The following DOCK3 variants were observed in gnomAD, a reference collection of about 807,000 sequenced individuals.
DOCK3 encodes the protein dedicator of cytokinesis protein 3.
A neutral mutation model predicts 265.6 loss-of-function variants in DOCK3; 60 were observed. The observed-to-expected ratio is 0.23, with a 90% CI of 0.18 to 0.28. DOCK3 has a LOEUF of 0.28. Among genes scored for constraint, DOCK3 ranks in the 10% least tolerant of loss-of-function variants. The pLI is 1.00. For synonymous variants in DOCK3, 881 were observed against 938.0 expected, an observed-to-expected ratio of 0.94 and a Z score of 1.11; for missense variants, 1,981 against 2,594.3, an observed-to-expected ratio of 0.76 and a Z score of 5.14.
At chr3:51,344,876 C>G (rs1238860759) in intron 38 of DOCK3, among the ~76,000 whole-genome samples, 3 of 152,168 alleles carry the variant, frequency 2.0e-5, no homozygotes, top group African/African-American at 7.2e-5. Context: ...GGTCCTGGCT[C>G]ATTCTAAAGA....
chr3:50,702,392 C>T (rs2036099077), intron 1 of DOCK3, among the ~76,000 whole-genome samples: 1 of 151,904 alleles, frequency 6.6e-6, no homozygotes, highest in African/African-American at 2.4e-5. Flanking sequence ...TAGATAGAGT[C>T]TTGCTCTGTC....
rs1330426109 is a variant in DOCK3, at chr3:51,375,786, C to T, written c.5451C>T (p.Val1817=). The T allele has an allele frequency of 3.7e-6, 6 of 1,613,970 alleles. No individual in the cohort carries two copies. Among genetic ancestry groups the T allele is most frequent in the South Asian group, 2.2e-5 (2 of 91,068 alleles). Residue 1817 remains valine (V), a synonymous_variant, in exon 51 of 53, where the codon GTC becomes GTT. Transcript: ENST00000266037. The part of the protein sequence containing the change: ...NFQRALFQQV[V]GACKPCSDPN... The stretch of plus-strand genomic sequence containing the variant: ...AGCGAGCCCTGTTCCAGCAAGTGGT[C>T]GGAGCCTGCAAACCCTGCAGTGATC...
intron 27 of DOCK3, among the ~76,000 whole-genome samples, chr3:51,303,115 ATT>A (rs199894276): frequency 2.1e-5 from 3 of 142,012 alleles, no homozygotes; most frequent in South Asian, 2.2e-4. Flanking sequence ...GTTCCTTTTC[ATT>A]TTTTTTTTTC....
intron 6 of DOCK3, among the ~76,000 whole-genome samples, chr3:51,065,550 TAAAA>T (rs1484134136): frequency 1.3e-5 from 2 of 152,126 alleles, no homozygotes; most frequent in Non-Finnish European, 2.9e-5. Flanking sequence ...GGACTTGGCT[TAAAA>T]GAGTGTCTAA....
chr3:51,079,895 G>A (rs889815434), intron 7 of DOCK3, among the ~76,000 whole-genome samples: 2 of 152,158 alleles, frequency 1.3e-5, no homozygotes, highest in African/African-American at 2.4e-5. Flanking sequence ...CAGAATGCTT[G>A]CATTATAGCC....
intron 27 of DOCK3, among the ~76,000 whole-genome samples, chr3:51,299,912 A>G (rs1049887393): frequency 2.6e-5 from 4 of 152,144 alleles, no homozygotes; most frequent in African/African-American, 9.7e-5. Context: ...TTTTGGTTCC[A>G]TATGACTTTT....
intron 9 of DOCK3, among the ~76,000 whole-genome samples, chr3:51,144,653 G>C (rs995972560): frequency 6.6e-6 from 1 of 152,056 alleles, no homozygotes; most frequent in Non-Finnish European, 1.5e-5. Context: ...ATTTATATCT[G>C]ACCCAAATCT....
At chr3:51,092,524 A>G (rs1023494923) in intron 9 of DOCK3, among the ~76,000 whole-genome samples, 3 of 152,242 alleles carry the variant, frequency 2.0e-5, no homozygotes, top group African/African-American at 7.2e-5. Context: ...AGGGACTTAT[A>G]GATAAAACCC....
chr3:51,036,387 T>C (rs778194654), intron 5 of DOCK3, among the ~76,000 whole-genome samples: 20 of 152,200 alleles, frequency 1.3e-4, no homozygotes, highest in Non-Finnish European at 2.8e-4. Context: ...AATTTATCTT[T>C]CCTGTTAATT....
At chr3:50,818,880 TGTTTCAAGAG>T (rs1300542830) in intron 2 of DOCK3, among the ~76,000 whole-genome samples, 2 of 152,230 alleles carry the variant, frequency 1.3e-5, no homozygotes, top group African/African-American at 4.8e-5. Flanking sequence ...TGTTAGAATC[TGTTTCAAGAG>T]CCAATTCAAG....
In DOCK3 at chr3:51,064,539, A is replaced by G; in HGVS notation, c.407A>G (p.Gln136Arg). ...RRQLLSGHLT[Q>R]DQVREVKRHI... is the part of the protein sequence containing the mutation. ...CAGCTACTGTCTGGTCACCTGACTCAGGATCAGGTGCGGGAGGTTAAGCGG... is the reference window on the plus strand; with the variant it reads ...CAGCTACTGTCTGGTCACCTGACTCGGGATCAGGTGCGGGAGGTTAAGCGG... The change falls in exon 6 of 53, where the codon CAG (glutamine) becomes CGG (arginine). Residue 136 changes from glutamine to arginine, a missense_variant. Transcript: ENST00000266037. 6.2e-7 allele frequency: 1 copy of G among 1,614,006 alleles called. No individual in the cohort carries two copies. Among genetic ancestry groups the G allele is most frequent in the Non-Finnish European group, 8.5e-7 (1 of 1,179,858 alleles).
intron 6 of DOCK3, among the ~76,000 whole-genome samples, chr3:51,070,892 T>G (rs1461635572): frequency 1.3e-5 from 2 of 152,060 alleles, no homozygotes; most frequent in Non-Finnish European, 2.9e-5. Flanking sequence ...GCACTCCTTA[T>G]GAGAATCTAA....
chr3:51,236,002 G>A (rs2108468250), intron 19 of DOCK3, among the ~76,000 whole-genome samples: 1 of 152,338 alleles, frequency 6.6e-6, no homozygotes, highest in South Asian at 2.1e-4. Flanking sequence ...TTTGGCATCA[G>A]TATCACTTAG....
intron 32 of DOCK3, among the ~76,000 whole-genome samples, chr3:51,316,650 A>G (rs1007922347): frequency 2.6e-5 from 4 of 152,200 alleles, no homozygotes; most frequent in African/African-American, 9.7e-5. Flanking sequence ...TGTTTTAGCC[A>G]TTCTAATAGG....
chr3:50,789,874 T>C (rs2042375294), intron 2 of DOCK3, among the ~76,000 whole-genome samples: 1 of 152,126 alleles, frequency 6.6e-6, no homozygotes, highest in African/African-American at 2.4e-5. Flanking sequence ...CTGGGACTGA[T>C]AGTCATGCAC....
Position 51,383,810 on chromosome 3 carries a change from C to T in DOCK3, c.*2251C>T, listed in dbSNP as rs1235123374. 1.3e-5 allele frequency: 2 copies of T among 152,558 alleles called. No homozygotes were observed. The highest frequency in any genetic ancestry group is 2.9e-5 in the Non-Finnish European group (2 of 68,026). The allele number at this position is 152,558 out of a possible 1,614,324, so 9.5% of individuals were successfully genotyped here. A position where few individuals can be genotyped will look rare whatever the true frequency, so the allele number is the denominator to read the frequency against. On this transcript the variant is annotated 3_prime_UTR_variant, in exon 53 of 53. Coordinates refer to ENST00000266037, the MANE Select transcript of DOCK3 (RefSeq NM_004947.5). ...TTATTTGTAAATACCTATTTGAATGCTGTGTATTTGTACAGGAATTTGAGC... is the reference window on the plus strand; with the variant it reads ...TTATTTGTAAATACCTATTTGAATGTTGTGTATTTGTACAGGAATTTGAGC...
At chr3:51,195,757 C>T (rs925339262) in intron 12 of DOCK3, among the ~76,000 whole-genome samples, 1 of 151,994 alleles carries the variant, frequency 6.6e-6, no homozygotes, top group East Asian at 1.9e-4. Flanking sequence ...CATCCTTTCA[C>T]TTCCAGGTTT....
At chr3:50,795,098 C>T (rs571222456) in intron 2 of DOCK3, among the ~76,000 whole-genome samples, 1 of 152,146 alleles carries the variant, frequency 6.6e-6, no homozygotes, top group African/African-American at 2.4e-5. Context: ...CTGAGAGGTC[C>T]ACTGTTAGTC....
intron 4 of DOCK3, among the ~76,000 whole-genome samples, chr3:50,914,951 T>A (rs1335737586): frequency 1.3e-5 from 2 of 152,056 alleles, no homozygotes; most frequent in Non-Finnish European, 1.5e-5. Context: ...GTGGGACTAG[T>A]GTTCTAGCTT....
Sources: gnomAD v4.1 joint callset for allele counts (sites outside exome capture counted in the v4.1 genomes callset) on GRCh38, gnomAD v4.1.1 for gene constraint, MANE v1.5 for transcripts, NCBI Gene and HGNC (gene_info 2026-07-23, HGNC 2026-07-21) for gene names.